The following GNAL variants were observed in gnomAD, a reference collection of about 807,000 sequenced individuals.
The protein encoded by GNAL is G protein subunit alpha L, also known as guanine nucleotide-binding protein G(olf) subunit alpha.
In GNAL, 18 loss-of-function variants were observed where a neutral mutation model predicts 55.1. That is an observed-to-expected ratio of 0.33 (90% confidence interval 0.23 to 0.48). The LOEUF (loss-of-function observed/expected upper bound fraction) is 0.48, where lower values mean the gene tolerates loss of function less well. Ranked by LOEUF, GNAL falls within the 20% of genes least tolerant of loss-of-function variation. The pLI, the probability that GNAL is intolerant of heterozygous loss-of-function variation, is 0.99. For missense variants in GNAL, 412 were observed against 614.1 expected, an observed-to-expected ratio of 0.67 and a Z score of 3.48; for synonymous variants, 253 against 237.0, an observed-to-expected ratio of 1.07 and a Z score of -0.62.
Position 11,884,493 on chromosome 18 carries a change from T to A in GNAL, c.*3358T>A, listed in dbSNP as rs760724495. 14 of 1,614,066 alleles carry A rather than the reference T, an allele frequency of 8.7e-6. No homozygotes were observed. The East Asian group carries it at 3.1e-4, about 36-fold the overall frequency. ...GCAAGTTCAAACCAGAAAGAAAAGG[T>A]GAGGCTAGAAGCCCAAAGTGAGTGA... On this transcript the variant is annotated 3_prime_UTR_variant, in exon 12 of 12. Coordinates refer to ENST00000334049, the MANE Select transcript of GNAL (RefSeq NM_182978.4).
At chr18:11,764,249 C>T (rs2033335797) in intron 4 of GNAL, among the ~76,000 whole-genome samples, 3 of 152,034 alleles carry the variant, frequency 2.0e-5, no homozygotes, top group Non-Finnish European at 4.4e-5. Context: ...GAATTACAGG[C>T]ACCTGCCACC....
At chr18:11,698,455 C>G (rs1362291439) in intron 1 of GNAL, among the ~76,000 whole-genome samples, 1 of 147,010 alleles carries the variant, frequency 6.8e-6, no homozygotes, top group Non-Finnish European at 1.5e-5. Flanking sequence ...TGCACCACTA[C>G]ACTCCATCCT....
At chr18:11,767,017 A>G (rs1046517137) in intron 4 of GNAL, among the ~76,000 whole-genome samples, 1 of 152,186 alleles carries the variant, frequency 6.6e-6, no homozygotes, top group Non-Finnish European at 1.5e-5. Context: ...CCCAACCTGT[A>G]TTCTTCCTTT....
chr18:11,759,133 A>G (rs1041210332), intron 4 of GNAL, among the ~76,000 whole-genome samples: 1 of 152,088 alleles, frequency 6.6e-6, no homozygotes, highest in South Asian at 2.1e-4. Flanking sequence ...AGATCGTGAT[A>G]TTCCACTCCA....
intron 4 of GNAL, among the ~76,000 whole-genome samples, chr18:11,814,155 CAAAA>C (rs780964299): frequency 3.5e-4 from 53 of 151,910 alleles, no homozygotes; most frequent in Admixed American, 1.5e-3. Context: ...TGATAGAACA[CAAAA>C]AAAGGATAAA....
chr18:11,880,944 CA>C (rs778786179), intron 11 of GNAL, 44 bp from the exon 12 acceptor site: 1 of 1,588,356 alleles, frequency 6.3e-7, no homozygotes, highest in East Asian at 2.2e-5. Context: ...CCCCAGAGTA[CA>C]TGCTGGGGCC....
intron 4 of GNAL, among the ~76,000 whole-genome samples, chr18:11,783,535 G>A (rs1201319018): frequency 6.6e-6 from 1 of 152,192 alleles, no homozygotes; most frequent in African/African-American, 2.4e-5. Flanking sequence ...ACTGTGGTGA[G>A]ACTTCTTTTA....
intron 4 of GNAL, among the ~76,000 whole-genome samples, chr18:11,778,517 C>T (rs2033844338): frequency 6.6e-6 from 1 of 152,148 alleles, no homozygotes; most frequent in Non-Finnish European, 1.5e-5. Flanking sequence ...TTAGCTTCTC[C>T]TCCTCTCACA....
At chr18:11,746,791 G>A in intron 1 of GNAL, 3 of 442,748 alleles carry the variant, frequency 6.8e-6, no homozygotes, top group South Asian at 1.8e-5. Context: ...TGACTGGCAT[G>A]GAGGGCAGCC....
intron 5 of GNAL, among the ~76,000 whole-genome samples, chr18:11,846,946 A>G (rs16976735): frequency 0.12 from 18,652 of 152,070 alleles, 1,614 homozygotes; most frequent in East Asian, 0.41. Context: ...CTGTGTTCCC[A>G]AATAAAAAGG....
At chr18:11,782,781 G>A (rs917795963) in intron 4 of GNAL, among the ~76,000 whole-genome samples, 17 of 152,090 alleles carry the variant, frequency 1.1e-4, no homozygotes, top group African/African-American at 1.7e-4. Flanking sequence ...AAGAAAATTC[G>A]TTTTCTAGTT....
intron 4 of GNAL, among the ~76,000 whole-genome samples, chr18:11,824,663 G>A (rs2035192348): frequency 6.8e-6 from 1 of 147,294 alleles, no homozygotes; most frequent in African/African-American, 2.5e-5. Context: ...ACTCCAGCCT[G>A]GGTGACAGAG....
intron 1 of GNAL, among the ~76,000 whole-genome samples, chr18:11,706,457 G>A (rs1414228501): frequency 6.6e-6 from 1 of 152,106 alleles, no homozygotes. Context: ...TGATCAGGGC[G>A]GTTGTTGCTG....
intron 5 of GNAL, among the ~76,000 whole-genome samples, chr18:11,861,398 G>C (rs996918130): frequency 2.6e-5 from 4 of 152,176 alleles, no homozygotes; most frequent in African/African-American, 9.7e-5. Flanking sequence ...ACCTGTCCCA[G>C]CCGCGGAAGG....
intron 4 of GNAL, among the ~76,000 whole-genome samples, chr18:11,793,613 A>G (rs1181879776): frequency 6.6e-6 from 1 of 151,978 alleles, no homozygotes; most frequent in African/African-American, 2.4e-5. Flanking sequence ...CTCAACGACA[A>G]AAAGACAAAT....
At chr18:11,796,196 CAATGTGTGGTTT>C (rs1040750838) in intron 4 of GNAL, among the ~76,000 whole-genome samples, 1 of 152,194 alleles carries the variant, frequency 6.6e-6, no homozygotes, top group Non-Finnish European at 1.5e-5. Context: ...ACACCACCAA[CAATGTGTGGTTT>C]AATATGACAG....
chr18:11,782,188 G>A (rs1370302603), intron 4 of GNAL, among the ~76,000 whole-genome samples: 1 of 152,128 alleles, frequency 6.6e-6, no homozygotes, highest in Non-Finnish European at 1.5e-5. Context: ...GTAGTGGCAG[G>A]TGCATGTAAT....
At chr18:11,827,528 G>T (rs1021352525) in intron 5 of GNAL, among the ~76,000 whole-genome samples, 6 of 152,076 alleles carry the variant, frequency 3.9e-5, no homozygotes, top group Non-Finnish European at 8.8e-5. Flanking sequence ...CAGGAGAATC[G>T]CTCGAACTTG....
chr18:11,759,068 G>A (rs1193431837), intron 4 of GNAL, among the ~76,000 whole-genome samples: 1 of 152,142 alleles, frequency 6.6e-6, no homozygotes, highest in Non-Finnish European at 1.5e-5. Flanking sequence ...AGCTACTAGG[G>A]AGGCTGAGGC....
Sources: gnomAD v4.1 joint callset for allele counts (sites outside exome capture counted in the v4.1 genomes callset) on GRCh38, gnomAD v4.1.1 for gene constraint, MANE v1.5 for transcripts, NCBI Gene and HGNC (gene_info 2026-07-23, HGNC 2026-07-21) for gene names.